Variants in DGKA observed in about 807,000 individuals in gnomAD.
DGKA encodes the protein 80 kDa diacylglycerol kinase.
DGKA carries 35 observed loss-of-function variants against 105.0 expected under a neutral mutation model. That is an observed-to-expected ratio of 0.33 (90% confidence interval 0.25 to 0.44). The LOEUF (loss-of-function observed/expected upper bound fraction) is 0.44. Ranked by LOEUF, DGKA falls within the 20% of genes least tolerant of loss-of-function variation. The pLI, the probability that DGKA is intolerant of heterozygous loss-of-function variation, is 1.00. For synonymous variants in DGKA, 296 were observed against 332.0 expected (o/e 0.89, Z 1.18); for missense variants, 665 against 915.0 (o/e 0.73, Z 3.53).
At chr12:55,937,925 C>T in intron 4 of DGKA, 53 bp from the exon 5 acceptor site, 1 of 1,505,228 alleles carries the variant, frequency 6.6e-7, no homozygotes, top group Non-Finnish European at 9.2e-7. Context: ...AAGGATAAAA[C>T]ATGAGCCAAA....
chr12:55,953,706 C>T lies in DGKA; in HGVS notation c.2146C>T (p.Gln716Ter). 3 of 1,614,160 alleles carry T rather than the reference C, an allele frequency of 1.9e-6. No individual in the cohort carries two copies. The highest frequency in any genetic ancestry group is 2.5e-6 in the Non-Finnish European group (3 of 1,180,026). Reference sequence around the variant, plus strand: ...CCAGATCAAGATCACCCACAAGAACCAGATGCCCATGCTCATGGGCCCACC... The same window carrying T: ...CCAGATCAAGATCACCCACAAGAACTAGATGCCCATGCTCATGGGCCCACC... ...PCTIKITHKNQMPMLMGPPPR... is the reference protein window; with the variant it reads ...PCTIKITHKN Residue 716 changes from glutamine (Q) to a stop codon, truncating the protein, a stop_gained, in exon 24 of 24, where the codon CAG becomes TAG. Coordinates refer to ENST00000331886, the MANE Select transcript of DGKA (RefSeq NM_001345.5). LOFTEE classifies it high-confidence loss of function.
intron 6 of DGKA, 82 bp downstream of exon 6, chr12:55,938,642 T>C: frequency 6.2e-7 from 1 of 1,609,862 alleles, no homozygotes; most frequent in Non-Finnish European, 8.5e-7. Flanking sequence ...TTCCAGGGTC[T>C]TAAGAAACAG....
chr12:55,940,132 G>A lies in DGKA; in HGVS notation c.760G>A (p.Glu254Lys). Residue 254 changes from glutamate (E) to lysine (K), a missense_variant, in exon 10 of 24, where the codon GAA (glutamate) becomes AAA (lysine). Glu to Lys is a moderately conservative substitution (Grantham distance 56). Transcript: ENST00000331886. This position sits in a 1 kb window ranked among gnomAD's most constrained non-coding sequence, Gnocchi z 4.3. ...GTGTGCCATGAAAGCCCTGCCTTGT[G>A]AAGTCAGCACCTATGCCAAGTCTCG... ...DQCAMKALPC[E>K]VSTYAKSRKD... The A allele has an allele frequency of 1.9e-6, 3 of 1,614,200 alleles. No homozygotes were observed. The highest frequency in any genetic ancestry group is 2.5e-6 in the Non-Finnish European group (3 of 1,180,040).
chr12:55,940,936 A>G lies in DGKA; in HGVS notation c.1057A>G (p.Lys353Glu), dbSNP rs768659478. The change falls in exon 13 of 24, where the codon AAG (lysine) becomes GAG (glutamate). Residue 353 changes from lysine (K) to glutamate (E), a missense_variant. By Grantham distance (56) the Lys-to-Glu change is moderately conservative (BLOSUM62 1). Transcript: ENST00000331886. The surrounding 1 kb of genome is among the most constrained non-coding windows in gnomAD (Gnocchi z 4.3). ...PDRKNSKTSQKTMDDLNLSTS... is the reference protein window; with the variant it reads ...PDRKNSKTSQETMDDLNLSTS... ...TCGTAAAAATAGCAAAACAAGCCAG[A>G]AGACCATGGATGATTTAAATTTGAG... is the stretch of plus-strand genomic sequence containing the variant. The G allele has an allele frequency of 6.2e-7, 1 of 1,614,182 alleles. No homozygotes were observed. The highest frequency in any genetic ancestry group is 1.1e-5 in the South Asian group (1 of 91,062).
chr12:55,928,655 C>A (rs1883244612), upstream of DGKA, among the ~76,000 whole-genome samples: 1 of 103,788 alleles, frequency 9.6e-6, no homozygotes, highest in African/African-American at 4.0e-5. Flanking sequence ...CCAGCTTGGA[C>A]GACAGAGTGG....
At position 55,952,680 on chromosome 12, in the gene DGKA, C is replaced by A; in HGVS notation, c.1744-54C>A. 1 of 1,589,678 alleles carries A rather than the reference C, an allele frequency of 6.3e-7. No individual in the cohort carries two copies. The highest frequency in any genetic ancestry group is 8.6e-7 in the Non-Finnish European group (1 of 1,159,102). On this transcript the variant is annotated intron_variant, in intron 20 of 23. Coordinates refer to ENST00000331886, the MANE Select transcript of DGKA (RefSeq NM_001345.5). This position sits in a 1 kb window ranked among gnomAD's most constrained non-coding sequence, Gnocchi z 5.1. Reference sequence around the variant, plus strand: ...GGAGCGATCACATCTATGATCATGCCATGAGGTGAGGATCTGTACCCTCCC... The same window carrying A: ...GGAGCGATCACATCTATGATCATGCAATGAGGTGAGGATCTGTACCCTCCC...
Position 55,938,103 on chromosome 12 carries a change from G to A in DGKA, c.349+51G>A, listed in dbSNP as rs369998947. 9.3e-5 allele frequency: 139 copies of A among 1,486,778 alleles called. 1 individual carries two copies. The African/African-American group carries it at 1.6e-3, about 18-fold the overall frequency. 92.1% of individuals were successfully genotyped at this position (1,486,778 alleles called of 1,614,324 possible). On this transcript the variant is annotated intron_variant, in intron 5 of 23. Transcript: ENST00000331886. ...GGCAGGGCAGTGAAGGGAGAGAGAG[G>A]TGTTTCCCATCCTCCTTTCCCTTAT...
Position 55,952,335 on chromosome 12 carries a change from A to G in DGKA, c.1653-6A>G. ...CCTACTGGGCCTTGTGTTGGGGCTGACACAGAATGAAGAACAAGCTATGGT... is the reference window on the plus strand; with the variant it reads ...CCTACTGGGCCTTGTGTTGGGGCTGGCACAGAATGAAGAACAAGCTATGGT... On this transcript the variant is annotated splice_polypyrimidine_tract_variant and splice_region_variant and intron_variant, in intron 19 of 23. Transcript: ENST00000331886. This position sits in a 1 kb window ranked among gnomAD's most constrained non-coding sequence, Gnocchi z 5.1. 1 of 1,614,146 alleles carries G rather than the reference A, an allele frequency of 6.2e-7. No homozygotes were observed. Among genetic ancestry groups the G allele is most frequent in the Non-Finnish European group, 8.5e-7 (1 of 1,179,988 alleles).
upstream of DGKA, chr12:55,928,054 C>G (rs972431315): frequency 8.0e-5 from 37 of 462,672 alleles, no homozygotes; most frequent in South Asian, 1.3e-3. Flanking sequence ...TAGTCCTGCC[C>G]TGCGCCGTAC....
chr12:55,928,907 G>A (rs897886161), upstream of DGKA, among the ~76,000 whole-genome samples: 14 of 152,012 alleles, frequency 9.2e-5, no homozygotes, highest in Admixed American at 1.3e-4. Context: ...TGTAATCCCA[G>A]CACTTTGGGA....
chr12:55,951,713 C>T lies in DGKA; in HGVS notation c.1517C>T (p.Pro506Leu). ...HMDRWSVEVI[P>L]QQTEEKSDPV... ...GATCGATGGTCTGTGGAGGTGATAC[C>T]TCAACAAACTGAAGAAAAAAGTGAC... The change falls in exon 18 of 24, where the codon CCT becomes CTT. Residue 506 changes from proline (P) to leucine (L), a missense_variant. Pro to Leu is a moderately conservative substitution (Grantham distance 98). Transcript: ENST00000331886. 2 of 1,613,890 alleles carry T rather than the reference C, an allele frequency of 1.2e-6. No individual in the cohort carries two copies. Among genetic ancestry groups the T allele is most frequent in the Non-Finnish European group, 1.7e-6 (2 of 1,179,996 alleles).
rs1352303431 is a variant in DGKA, at chr12:55,939,583, G to A, written c.709+54G>A. On this transcript the variant is annotated intron_variant, in intron 9 of 23. Coordinates refer to ENST00000331886, the MANE Select transcript of DGKA (RefSeq NM_001345.5). ...AAGAGGGTCAGCCCAGCTATCTGTGGGAGCTTGATGCTGTAAACTTAGAAA... is the reference window on the plus strand; with the variant it reads ...AAGAGGGTCAGCCCAGCTATCTGTGAGAGCTTGATGCTGTAAACTTAGAAA... 1.9e-6 allele frequency: 3 copies of A among 1,556,494 alleles called. No individual in the cohort carries two copies. The East Asian group carries it at 6.7e-5, about 35-fold the overall frequency.
chr12:55,936,821 C>T (rs1884837988), intron 2 of DGKA, 196 bp from the exon 3 acceptor site: 1 of 795,940 alleles, frequency 1.3e-6, no homozygotes, highest in South Asian at 1.4e-5. Context: ...ACCTGGACTG[C>T]TTGCTCCAGC....
intron 4 of DGKA, 43 bp from the exon 5 acceptor site, chr12:55,937,935 A>G (rs1164996061): frequency 6.4e-7 from 1 of 1,557,546 alleles, no homozygotes; most frequent in Non-Finnish European, 8.9e-7. Flanking sequence ...CATGAGCCAA[A>G]GTGGAGGGAG....
At position 55,952,902 on chromosome 12, in the gene DGKA, G is replaced by C; in HGVS notation, c.1912G>C (p.Asp638His). 1 of 1,614,156 alleles carries C rather than the reference G, an allele frequency of 6.2e-7. No homozygotes were observed. Among genetic ancestry groups the C allele is most frequent in the Non-Finnish European group, 8.5e-7 (1 of 1,180,034 alleles). Reference protein sequence around the residue: ...ALGATAKVITDPDILKTCVPD... With the variant: ...ALGATAKVITHPDILKTCVPD... Reference sequence around the variant, plus strand: ...AGGTGCTACAGCTAAAGTCATCACCGACCCTGATATCCTGAAAACCTGTGT... The same window carrying C: ...AGGTGCTACAGCTAAAGTCATCACCCACCCTGATATCCTGAAAACCTGTGT... The change falls in exon 21 of 24, where the codon GAC becomes CAC. Residue 638 changes from aspartate (D) to histidine (H), a missense_variant. This residue lies in a region of DGKA where 158 missense variants were observed against 213.4 expected (regional missense o/e 0.74). Coordinates refer to ENST00000331886, the MANE Select transcript of DGKA (RefSeq NM_001345.5). The surrounding 1 kb of genome is among the most constrained non-coding windows in gnomAD (Gnocchi z 5.1).
chr12:55,945,243 G>A (rs1886773641), intron 17 of DGKA, among the ~76,000 whole-genome samples: 1 of 152,162 alleles, frequency 6.6e-6, no homozygotes, highest in Admixed American at 6.5e-5. Context: ...AATATTTTAG[G>A]AGATACATGT....
intron 1 of DGKA, among the ~76,000 whole-genome samples, chr12:55,933,265 A>G (rs193149572): frequency 7.2e-5 from 11 of 152,058 alleles, no homozygotes; most frequent in Admixed American, 3.3e-4. Flanking sequence ...AGGGTTGGTG[A>G]CTCCCAGCTC....
Position 55,942,162 on chromosome 12 carries a change from C to T in DGKA, c.1337-12C>T, listed in dbSNP as rs1209825883. ...TAACTCACTCCATCCTTCTCTTCAC[C>T]TGCCTCCGCAGACAAAGCTAACTTG... On this transcript the variant is annotated splice_polypyrimidine_tract_variant and intron_variant, in intron 16 of 23. Coordinates refer to ENST00000331886, the MANE Select transcript of DGKA (RefSeq NM_001345.5). 6.2e-7 allele frequency: 1 copy of T among 1,614,190 alleles called. No homozygotes were observed. The highest frequency in any genetic ancestry group is 8.5e-7 in the Non-Finnish European group (1 of 1,180,024).
At chr12:55,939,741 G>GA (rs1216608657) in intron 9 of DGKA, 1 of 605,370 alleles carries the variant, frequency 1.7e-6, no homozygotes, top group Admixed American at 3.0e-5. Flanking sequence ...GTTGGTGCAA[G>GA]AAAAGTGCTT....
Sources: gnomAD v4.1 joint callset for allele counts (sites outside exome capture counted in the v4.1 genomes callset) on GRCh38, gnomAD v4.1.1 for gene constraint, gnomAD v4.1.1 regional missense constraint, Gnocchi (gnomAD v3.1) non-coding constraint, MANE v1.5 for transcripts, NCBI Gene and HGNC (gene_info 2026-07-23, HGNC 2026-07-21) for gene names.